The following TTLL5 variants were observed in gnomAD, a reference collection of about 807,000 sequenced individuals.
TTLL5 encodes the protein tubulin polyglutamylase TTLL5.
Under a neutral mutation model 168.4 loss-of-function variants are expected in TTLL5, and 132 were observed. The observed-to-expected ratio is 0.78, with a 90% CI of 0.68 to 0.91. The LOEUF (loss-of-function observed/expected upper bound fraction) is 0.91, where lower values mean the gene tolerates loss of function less well. Ranked by LOEUF, TTLL5 falls within the 40% of genes least tolerant of loss-of-function variation. The pLI is 0.00. For missense variants in TTLL5, 1,545 were observed against 1,581.5 expected (o/e 0.98, Z 0.39); for synonymous variants, 546 against 558.6 (o/e 0.98, Z 0.32).
Position 75,882,864 on chromosome 14 carries a change from A to G in TTLL5, c.3702A>G (p.Glu1234=), listed in dbSNP as rs760536451. 1 of 1,614,168 alleles carries G rather than the reference A, an allele frequency of 6.2e-7. No individual in the cohort carries two copies. The highest frequency in any genetic ancestry group is 8.5e-7 in the Non-Finnish European group (1 of 1,180,024). ...TTCCCAAACCCCCACCCAACCACGA[A>G]CAAGTGCTCAGAAGGGCAACATCCC... ...SLVPKPPPNH[E]QVLRRATSQK... Residue 1234 remains glutamate (E), a synonymous_variant, in exon 30 of 32, where the codon GAA becomes GAG. Coordinates refer to ENST00000298832, the MANE Select transcript of TTLL5 (RefSeq NM_015072.5).
rs113063775 is a variant in TTLL5, at chr14:75,844,305, A to G, written c.3327-19362A>G. Among the ~76,000 whole-genome samples the G allele has an allele frequency of 9.3e-3, 1,409 of 152,274 alleles. 30 individuals are homozygous for G. The highest frequency in any genetic ancestry group is 0.033 in the African/African-American group (1,352 of 41,548). On this transcript the variant is annotated intron_variant, in intron 28 of 31. Coordinates refer to ENST00000298832, the MANE Select transcript of TTLL5 (RefSeq NM_015072.5). ...TCCAACTTCATTTGTTAATACACAA[A>G]TGGTTTAGAAAGGTTATTGTTCCTC...
At position 75,707,655 on chromosome 14, in the gene TTLL5, G is replaced by C; in HGVS notation, c.688G>C (p.Val230Leu). 6.2e-7 allele frequency: 1 copy of C among 1,609,216 alleles called. No homozygotes were observed. Among genetic ancestry groups the C allele is most frequent in the East Asian group, 2.2e-5 (1 of 44,674 alleles). Residue 230 changes from valine to leucine, a missense_variant, in exon 9 of 32, where the codon GTG (valine) becomes CTG (leucine). Val to Leu is a conservative substitution (Grantham distance 32, BLOSUM62 1). Transcript: ENST00000298832. ...GTTTGACGTGCGCCTCTATGTGCTCGTGACTTCCTATGATCCTCTTGTCAT... is the reference window on the plus strand; with the variant it reads ...GTTTGACGTGCGCCTCTATGTGCTCCTGACTTCCTATGATCCTCTTGTCAT... ...FKFDVRLYVL[V>L]TSYDPLVIYL...
At chr14:75,820,550 CTG>C (rs372078333) in intron 28 of TTLL5, 109 of 157,400 alleles carry the variant, frequency 6.9e-4, no homozygotes, top group African/African-American at 2.6e-3. Context: ...GTTTCAGTAA[CTG>C]TAGACTCTGT....
intron 29 of TTLL5, among the ~76,000 whole-genome samples, chr14:75,872,318 T>C (rs979695966): frequency 2.0e-5 from 3 of 152,236 alleles, no homozygotes; most frequent in Non-Finnish European, 2.9e-5. Flanking sequence ...CTACGTTTGC[T>C]TTAGAAAAGA....
At chr14:75,853,461 G>A (rs1272647990) in intron 28 of TTLL5, among the ~76,000 whole-genome samples, 2 of 152,168 alleles carry the variant, frequency 1.3e-5, no homozygotes, top group Non-Finnish European at 2.9e-5. Flanking sequence ...TAAAAAGCAG[G>A]AACTATGTGT....
intron 28 of TTLL5, among the ~76,000 whole-genome samples, chr14:75,841,804 CAT>C (rs1896271693): frequency 3.3e-5 from 5 of 152,202 alleles, no homozygotes; most frequent in Admixed American, 2.6e-4. Flanking sequence ...AAAAAATACA[CAT>C]ATGGAAAGAT....
intron 29 of TTLL5, among the ~76,000 whole-genome samples, chr14:75,878,448 G>A (rs897214230): frequency 2.0e-5 from 3 of 152,092 alleles, no homozygotes; most frequent in Non-Finnish European, 2.9e-5. Flanking sequence ...GAAGAACAGG[G>A]AACATGAAAG....
At chr14:75,706,383 A>G (rs1217336553) in intron 7 of TTLL5, among the ~76,000 whole-genome samples, 1 of 152,254 alleles carries the variant, frequency 6.6e-6, no homozygotes, top group Non-Finnish European at 1.5e-5. Flanking sequence ...TCATCATGGT[A>G]TCCCCAGTGC....
intron 31 of TTLL5, among the ~76,000 whole-genome samples, chr14:75,905,312 C>A (rs998271054): frequency 9.2e-5 from 14 of 152,316 alleles, no homozygotes; most frequent in African/African-American, 3.1e-4. Flanking sequence ...CTTAATTCTT[C>A]CTGTAAGTCT....
At chr14:75,792,473 C>A (rs937259290) in intron 26 of TTLL5, among the ~76,000 whole-genome samples, 1 of 151,132 alleles carries the variant, frequency 6.6e-6, no homozygotes, top group Non-Finnish European at 1.5e-5. Flanking sequence ...TTGTTTTTAT[C>A]CCTGTTTCCC....
chr14:75,819,523 C>G (rs561482747), intron 27 of TTLL5, among the ~76,000 whole-genome samples: 19 of 152,234 alleles, frequency 1.2e-4, no homozygotes, highest in African/African-American at 4.6e-4. Context: ...CTTCTTTGTA[C>G]ATTATTTATT....
Position 75,681,551 on chromosome 14 carries a change from A to G in TTLL5, c.188A>G (p.Tyr63Cys), listed in dbSNP as rs1884613655. ...TGATTCTGTTTTTCTTTAGAACGTT[A>G]TCATTTGTCTTATAAGATTGTACGA... Reference protein sequence around the residue: ...DNNIRVIGERYHLSYKIVRTD... With the variant: ...DNNIRVIGERCHLSYKIVRTD... Residue 63 changes from tyrosine to cysteine, a missense_variant, in exon 4 of 32, where the codon TAT becomes TGT. Transcript: ENST00000298832. The G allele has an allele frequency of 1.2e-6, 2 of 1,612,976 alleles. No individual in the cohort carries two copies.
At chr14:75,741,964 C>T (rs538049003) in intron 15 of TTLL5, among the ~76,000 whole-genome samples, 1 of 152,192 alleles carries the variant, frequency 6.6e-6, no homozygotes, top group South Asian at 2.1e-4. Flanking sequence ...ATCATTATCT[C>T]AATTTCTAGA....
intron 12 of TTLL5, among the ~76,000 whole-genome samples, chr14:75,724,259 A>C (rs886291557): frequency 2.0e-5 from 3 of 152,110 alleles, no homozygotes; most frequent in African/African-American, 7.2e-5. Flanking sequence ...GTAATGTTCA[A>C]CTATGTTTCC....
intron 27 of TTLL5, among the ~76,000 whole-genome samples, chr14:75,800,070 T>G (rs1318653184): frequency 6.6e-6 from 1 of 152,226 alleles, no homozygotes; most frequent in African/African-American, 2.4e-5. Flanking sequence ...TTTCCAAACT[T>G]TTAGATTTCT....
At chr14:75,804,875 T>C (rs1893558706) in intron 27 of TTLL5, among the ~76,000 whole-genome samples, 1 of 151,882 alleles carries the variant, frequency 6.6e-6, no homozygotes, top group Non-Finnish European at 1.5e-5. Flanking sequence ...TCTGATCTAA[T>C]TTCCTAGCTT....
At chr14:75,872,707 C>T (rs372622837) in intron 29 of TTLL5, among the ~76,000 whole-genome samples, 3 of 151,832 alleles carry the variant, frequency 2.0e-5, no homozygotes, top group African/African-American at 7.3e-5. Context: ...ATTGGGAGTT[C>T]GAGACCAGCC....
chr14:75,887,611 G>T (rs913029333), intron 30 of TTLL5, among the ~76,000 whole-genome samples: 3 of 152,156 alleles, frequency 2.0e-5, no homozygotes, highest in African/African-American at 7.2e-5. Context: ...AAGGTACGCA[G>T]GTGTTCAGTG....
rs767422108 is a variant in TTLL5 at position 75,783,169 on chromosome 14, A to G, written c.2625A>G (p.Lys875=). The change falls in exon 26 of 32, where the codon AAA becomes AAG. Residue 875 remains lysine (K), a synonymous_variant. Transcript: ENST00000298832. ...TAGGATTTACCACTTCAGCAGAAAA[A>G]GAGGCAAAATTAGTTTATAGCAATT... is the stretch of plus-strand genomic sequence containing the variant. ...KLSRFTTSAE[K]EAKLVYSNSS... 1.9e-6 allele frequency: 3 copies of G among 1,611,308 alleles called. No individual in the cohort carries two copies. Among genetic ancestry groups the G allele is most frequent in the African/African-American group, 2.7e-5 (2 of 75,012 alleles).
Sources: allele counts gnomAD v4.1 joint callset (sites outside exome capture counted in the v4.1 genomes callset), GRCh38; gene constraint gnomAD v4.1.1; transcripts MANE v1.5; gene names NCBI Gene and HGNC (gene_info 2026-07-23, HGNC 2026-07-21).